The following NIM1K variants were observed in gnomAD, a reference collection of about 807,000 sequenced individuals.
NIM1K encodes the protein NIM1 serine/threonine protein kinase, also known as serine/threonine-protein kinase NIM1.
Under a neutral mutation model 37.1 loss-of-function variants are expected in NIM1K, and 35 were observed. That is an observed-to-expected ratio of 0.94 (90% confidence interval 0.72 to 1.25). NIM1K has a LOEUF of 1.25. Ranked by LOEUF, NIM1K falls within the 50% of genes most tolerant of loss-of-function variation. The pLI is 0.00. For missense variants in NIM1K, 564 were observed against 548.0 expected, an observed-to-expected ratio of 1.03 and a Z score of -0.29; for synonymous variants, 234 against 206.6, an observed-to-expected ratio of 1.13 and a Z score of -1.14.
chr5:43,225,260 C>CAAAAAAAAAA (rs10555794), intron 1 of NIM1K, among the ~76,000 whole-genome samples: 35 of 72,710 alleles, frequency 4.8e-4, no homozygotes, highest in Non-Finnish European at 7.6e-4. Flanking sequence ...ACCCTCTTTC[C>CAAAAAAAAAA]AAAAAAAAAA....
intron 1 of NIM1K, among the ~76,000 whole-genome samples, chr5:43,220,657 A>T (rs1752368102): frequency 2.6e-5 from 4 of 152,144 alleles, no homozygotes; most frequent in Admixed American, 2.6e-4. Context: ...ATACAATATA[A>T]ATTTTAACTT....
chr5:43,243,929 G>T (rs2112260395), intron 1 of NIM1K, among the ~76,000 whole-genome samples: 1 of 152,214 alleles, frequency 6.6e-6, no homozygotes, highest in Non-Finnish European at 1.5e-5. Flanking sequence ...CATCCTAATT[G>T]GTCTCTAACC....
intron 2 of NIM1K, among the ~76,000 whole-genome samples, chr5:43,262,650 T>C (rs1465508230): frequency 6.6e-6 from 1 of 152,106 alleles, no homozygotes; most frequent in African/African-American, 2.4e-5. Context: ...CTATGTTGAA[T>C]AGGAGTGGTG....
At chr5:43,206,765 G>C in intron 1 of NIM1K, 1 of 762,190 alleles carries the variant, frequency 1.3e-6, no homozygotes, top group Non-Finnish European at 2.4e-6. Context: ...CTGATGGTGA[G>C]ACCATTCTAA....
chr5:43,238,376 C>T (rs1752651377), intron 1 of NIM1K, among the ~76,000 whole-genome samples: 2 of 151,888 alleles, frequency 1.3e-5, no homozygotes, highest in African/African-American at 4.9e-5. Flanking sequence ...ACAGCTCTTT[C>T]TTGTTGTCTG....
At chr5:43,227,651 G>A (rs1561079566) in intron 1 of NIM1K, among the ~76,000 whole-genome samples, 1 of 152,030 alleles carries the variant, frequency 6.6e-6, no homozygotes, top group Non-Finnish European at 1.5e-5. Context: ...AGGGAATTGG[G>A]CTATGCTATT....
chr5:43,269,479 G>C (rs1016730765), intron 2 of NIM1K, among the ~76,000 whole-genome samples: 41 of 151,946 alleles, frequency 2.7e-4, no homozygotes, highest in African/African-American at 7.3e-5. Context: ...TATCCATTCT[G>C]CCAATCTGTA....
intron 1 of NIM1K, chr5:43,231,860 A>T: frequency 1.6e-6 from 2 of 1,216,610 alleles, no homozygotes; most frequent in Middle Eastern, 4.4e-4. Flanking sequence ...CAGAATCCAC[A>T]CCAACCTCCT....
chr5:43,273,094 C>A (rs1352293588), intron 2 of NIM1K, among the ~76,000 whole-genome samples: 1 of 152,188 alleles, frequency 6.6e-6, no homozygotes, highest in East Asian at 1.9e-4. Flanking sequence ...TCCCCTTGCA[C>A]CACATAGAGC....
intron 1 of NIM1K, among the ~76,000 whole-genome samples, chr5:43,200,649 G>A (rs1352054058): frequency 2.6e-5 from 4 of 152,176 alleles, no homozygotes; most frequent in Admixed American, 6.5e-5. Context: ...TACACAACAA[G>A]TCAAGTTTAC....
chr5:43,196,928 A>G (rs1179713991), intron 1 of NIM1K, among the ~76,000 whole-genome samples: 1 of 142,688 alleles, frequency 7.0e-6, no homozygotes, highest in African/African-American at 2.6e-5. Context: ...GCACGCTACC[A>G]TGCCCATGCC....
chr5:43,276,955 C>A, intron 2 of NIM1K, 102 bp from the exon 3 acceptor site: 1 of 1,177,126 alleles, frequency 8.5e-7, no homozygotes, highest in Non-Finnish European at 1.2e-6. Flanking sequence ...TTGGGAACAG[C>A]CACTCTCTGT....
At chr5:43,272,192 C>T (rs1420764939) in intron 2 of NIM1K, among the ~76,000 whole-genome samples, 1 of 152,052 alleles carries the variant, frequency 6.6e-6, no homozygotes, top group African/African-American at 2.4e-5. Context: ...AGACCATAAC[C>T]CTAATGTTTC....
rs1368419224 is a variant in NIM1K at position 43,199,189 on chromosome 5, C to CA, written c.-695+6794dup. ...GGCAACAAGAGTGAAGCTCTGTCTC[C>CA]AAAAAAAAAAAAAAAATATATATAT... is the stretch of plus-strand genomic sequence containing the variant. On this transcript the variant is annotated intron_variant, in intron 1 of 3. Coordinates refer to ENST00000326035, the MANE Select transcript of NIM1K (RefSeq NM_153361.4). Among the ~76,000 whole-genome samples the CA allele has an allele frequency of 3.7e-3, 36 of 9,788 alleles. 2 individuals carry two copies. The highest frequency in any genetic ancestry group is 8.6e-3 in the African/African-American group (20 of 2,318). 6.4% of individuals were successfully genotyped at this position (9,788 alleles called of 152,430 possible).
intron 2 of NIM1K, among the ~76,000 whole-genome samples, chr5:43,271,274 C>T (rs1753252269): frequency 6.6e-6 from 1 of 152,090 alleles, no homozygotes; most frequent in African/African-American, 2.4e-5. Context: ...TCCTTCTTCC[C>T]CGTATGCCAG....
chr5:43,208,581 G>A (rs543475338), intron 1 of NIM1K, among the ~76,000 whole-genome samples: 33 of 151,540 alleles, frequency 2.2e-4, no homozygotes, highest in Admixed American at 2.0e-3. Flanking sequence ...CAGCCTGGGC[G>A]ACAGGGCAGG....
intron 1 of NIM1K, among the ~76,000 whole-genome samples, chr5:43,195,511 T>A (rs1751898944): frequency 6.6e-6 from 1 of 151,910 alleles, no homozygotes; most frequent in Admixed American, 6.6e-5. Context: ...TTTTTAAAAA[T>A]TAGCTGGGTG....
chr5:43,258,005 C>T (rs1379040026), intron 2 of NIM1K, among the ~76,000 whole-genome samples: 1 of 152,070 alleles, frequency 6.6e-6, no homozygotes, highest in Non-Finnish European at 1.5e-5. Flanking sequence ...GATGAATTTT[C>T]CAAACTGAAA....
intron 1 of NIM1K, among the ~76,000 whole-genome samples, chr5:43,236,024 A>G (rs958538273): frequency 2.6e-5 from 4 of 152,158 alleles, no homozygotes; most frequent in African/African-American, 9.7e-5. Context: ...CTGTAATCAC[A>G]GCCACTTTGG....
Sources: allele counts gnomAD v4.1 joint callset (sites outside exome capture counted in the v4.1 genomes callset), GRCh38; gene constraint gnomAD v4.1.1; transcripts MANE v1.5; gene names NCBI Gene and HGNC (gene_info 2026-07-23, HGNC 2026-07-21).